The following ASIC2 variants were observed in gnomAD, a reference collection of about 807,000 sequenced individuals.
ASIC2 encodes the protein acid-sensing ion channel 2.
Under a neutral mutation model 57.3 loss-of-function variants are expected in ASIC2, and 25 were observed. That is an observed-to-expected ratio of 0.44 (90% CI 0.32 to 0.61). ASIC2 has a LOEUF of 0.61. ASIC2 is among the 20% of genes least tolerant of loss of function. The pLI, the probability that ASIC2 is intolerant of heterozygous loss-of-function variation, is 0.06. For synonymous variants in ASIC2, 319 were observed against 307.5 expected, an observed-to-expected ratio of 1.04 and a Z score of -0.39; for missense variants, 641 against 738.1, an observed-to-expected ratio of 0.87 and a Z score of 1.52.
chr17:34,039,315 C>T (rs1325994823), intron 1 of ASIC2: 2 of 1,613,894 alleles, frequency 1.2e-6, no homozygotes, highest in Admixed American at 1.7e-5. Flanking sequence ...TGCCAGATCC[C>T]GTAGATGAGG....
chr17:34,155,852 C>A, intron 1 of ASIC2: 1 of 1,120,218 alleles, frequency 8.9e-7, no homozygotes, highest in Non-Finnish European at 1.2e-6. Flanking sequence ...CCCTCGTGGC[C>A]TTCAGGTGAG....
chr17:33,727,817 G>A (rs557221598), intron 1 of ASIC2, among the ~76,000 whole-genome samples: 1 of 152,274 alleles, frequency 6.6e-6, no homozygotes, highest in East Asian at 1.9e-4. Flanking sequence ...CTAATTGACA[G>A]GGGCTTTCTC....
At chr17:33,371,696 AT>A (rs5820037) in intron 1 of ASIC2, among the ~76,000 whole-genome samples, 88,770 of 150,708 alleles carry the variant, frequency 0.59, 26,230 homozygotes, top group East Asian at 0.79. Flanking sequence ...ATACTTTGGG[AT>A]TTTTTTTTTT....
At chr17:33,547,089 T>G (rs1448820944) in intron 1 of ASIC2, among the ~76,000 whole-genome samples, 3 of 152,138 alleles carry the variant, frequency 2.0e-5, no homozygotes, top group African/African-American at 7.2e-5. Flanking sequence ...ATATTTCTGA[T>G]CTGGTGTCCC....
chr17:33,442,893 A>T (rs907694996), intron 1 of ASIC2, among the ~76,000 whole-genome samples: 1 of 152,248 alleles, frequency 6.6e-6, no homozygotes, highest in Non-Finnish European at 1.5e-5. Context: ...CATCATTAAC[A>T]TCAGGCAAAT....
At chr17:33,841,965 C>T (rs1182487565) in intron 1 of ASIC2, among the ~76,000 whole-genome samples, 1 of 151,950 alleles carries the variant, frequency 6.6e-6, no homozygotes, top group Non-Finnish European at 1.5e-5. Flanking sequence ...GCAGGCTGTA[C>T]AATATATCCA....
At chr17:33,738,808 C>T (rs151196334) in intron 1 of ASIC2, among the ~76,000 whole-genome samples, 2 of 152,306 alleles carry the variant, frequency 1.3e-5, no homozygotes, top group East Asian at 3.9e-4. Flanking sequence ...CAAGGTGTAT[C>T]AAGTCTTTGT....
chr17:33,375,609 T>C (rs1263695265), intron 1 of ASIC2, among the ~76,000 whole-genome samples: 1 of 152,158 alleles, frequency 6.6e-6, no homozygotes, highest in African/African-American at 2.4e-5. Flanking sequence ...GTGGACTGAC[T>C]ACCGGGACTG....
At chr17:33,990,826 T>A (rs1010215144) in intron 1 of ASIC2, among the ~76,000 whole-genome samples, 37 of 152,160 alleles carry the variant, frequency 2.4e-4, no homozygotes, top group African/African-American at 8.7e-4. Context: ...AACACTAACA[T>A]CTCTCCCACA....
intron 1 of ASIC2, among the ~76,000 whole-genome samples, chr17:33,714,521 C>T (rs1468168384): frequency 1.3e-5 from 2 of 152,072 alleles, no homozygotes; most frequent in East Asian, 1.9e-4. Context: ...CTGAATGGTG[C>T]CATTTGTGTT....
At chr17:33,850,110 T>C (rs1365358240) in intron 1 of ASIC2, among the ~76,000 whole-genome samples, 1 of 152,234 alleles carries the variant, frequency 6.6e-6, no homozygotes, top group Non-Finnish European at 1.5e-5. Flanking sequence ...CATTCTTCCA[T>C]TACTGTTCTC....
At chr17:34,071,450 C>T (rs1909395576) in intron 1 of ASIC2, 1 of 152,160 alleles carries the variant, frequency 6.6e-6, no homozygotes, top group African/African-American at 2.4e-5. Context: ...CACTCACCTT[C>T]CCTACCGATG....
At chr17:33,616,408 G>A (rs1016816749) in intron 1 of ASIC2, among the ~76,000 whole-genome samples, 14 of 152,202 alleles carry the variant, frequency 9.2e-5, no homozygotes, top group African/African-American at 3.1e-4. Context: ...ATAGTTTAAT[G>A]TGGCATAGCT....
At chr17:33,213,322 A>T (rs774792266) in intron 1 of ASIC2, among the ~76,000 whole-genome samples, 1 of 152,244 alleles carries the variant, frequency 6.6e-6, no homozygotes, top group Non-Finnish European at 1.5e-5. Context: ...TGGTTCGTAG[A>T]TCTGAAGGCT....
At chr17:33,481,897 T>A (rs1317839361) in intron 1 of ASIC2, among the ~76,000 whole-genome samples, 1 of 152,180 alleles carries the variant, frequency 6.6e-6, no homozygotes, top group Non-Finnish European at 1.5e-5. Context: ...GAAATTGCCC[T>A]TCCCTTCATA....
intron 1 of ASIC2, among the ~76,000 whole-genome samples, chr17:33,558,302 A>G (rs1486190054): frequency 2.0e-5 from 3 of 152,208 alleles, no homozygotes; most frequent in Non-Finnish European, 4.4e-5. Context: ...TTTTTGTTGT[A>G]TCCTGGACAT....
intron 1 of ASIC2, among the ~76,000 whole-genome samples, chr17:33,126,878 T>TTTTG (rs2092325233): frequency 1.6e-5 from 2 of 125,022 alleles, no homozygotes; most frequent in Non-Finnish European, 1.8e-5. Flanking sequence ...TTTTTTTTTT[T>TTTTG]GAGACGGAGT....
chr17:33,880,801 C>A (rs553188925), intron 1 of ASIC2, among the ~76,000 whole-genome samples: 10 of 152,108 alleles, frequency 6.6e-5, no homozygotes, highest in African/African-American at 9.6e-5. Flanking sequence ...GGCAGAGATA[C>A]AACAAAAAAA....
intron 1 of ASIC2, among the ~76,000 whole-genome samples, chr17:33,803,586 C>CTTTTT (rs961357779): frequency 1.4e-4 from 14 of 96,638 alleles, no homozygotes; most frequent in Non-Finnish European, 2.4e-4. Context: ...TTTCCCTTTT[C>CTTTTT]TTTTTTTTTT....
Sources: gnomAD v4.1 joint callset for allele counts (sites outside exome capture counted in the v4.1 genomes callset) on GRCh38, gnomAD v4.1.1 for gene constraint, MANE v1.5 for transcripts, NCBI Gene and HGNC (gene_info 2026-07-23, HGNC 2026-07-21) for gene names.